The following PGCKA1 variants were observed in gnomAD, a reference collection of about 807,000 sequenced individuals.
PGCKA1 encodes the protein PDCD10 and GCKIII kinases-associated protein 1.
At chr4:37,507,900 G>A in the PGCKA1 span, among the ~76,000 whole-genome samples, 1 of 152,038 alleles carries the variant, frequency 6.6e-6, no homozygotes, top group South Asian at 2.1e-4. Flanking sequence ...GTTTTTCTGG[G>A]AAAGTAATTT....
the PGCKA1 span, among the ~76,000 whole-genome samples, chr4:37,530,704 C>T: frequency 8.6e-5 from 13 of 151,558 alleles, no homozygotes; most frequent in African/African-American, 1.5e-4. Context: ...AGGTCAGATA[C>T]GGTGGCTCAC....
chr4:37,538,528 A>G, the PGCKA1 span, among the ~76,000 whole-genome samples: 2 of 152,358 alleles, frequency 1.3e-5, no homozygotes, highest in East Asian at 1.9e-4. Context: ...AGAGAACATG[A>G]TGAACTTAAC....
the PGCKA1 span, among the ~76,000 whole-genome samples, chr4:37,484,275 G>A: frequency 6.6e-6 from 1 of 152,144 alleles, no homozygotes; most frequent in Non-Finnish European, 1.5e-5. Flanking sequence ...GACAGAAGGT[G>A]AAAGGCACAT....
chr4:37,529,025 C>A, the PGCKA1 span, among the ~76,000 whole-genome samples: 1 of 152,166 alleles, frequency 6.6e-6, no homozygotes, highest in Non-Finnish European at 1.5e-5. Context: ...ACTTTAACAA[C>A]TTAACAATAT....
the PGCKA1 span, among the ~76,000 whole-genome samples, chr4:37,500,546 T>G: frequency 6.6e-6 from 1 of 152,240 alleles, no homozygotes; most frequent in Non-Finnish European, 1.5e-5. Flanking sequence ...GATTATGTGA[T>G]TGATTTTAGA....
the PGCKA1 span, among the ~76,000 whole-genome samples, chr4:37,512,543 GC>G: frequency 6.8e-6 from 1 of 146,180 alleles, no homozygotes; most frequent in African/African-American, 2.6e-5. Context: ...TGCAACCTCC[GC>G]CTCCTGGGTT....
chr4:37,455,844 G>T, the PGCKA1 span, among the ~76,000 whole-genome samples: 4 of 152,272 alleles, frequency 2.6e-5, no homozygotes, highest in East Asian at 5.8e-4. Context: ...GCCCGCTCTT[G>T]GTGCCCGGAA....
chr4:37,478,276 C>T, the PGCKA1 span, among the ~76,000 whole-genome samples: 1 of 151,478 alleles, frequency 6.6e-6, no homozygotes, highest in African/African-American at 2.4e-5. Flanking sequence ...TATCTAGTTC[C>T]AATTTCCCTA....
the PGCKA1 span, among the ~76,000 whole-genome samples, chr4:37,584,942 C>T: frequency 5.1e-4 from 76 of 150,330 alleles, no homozygotes; most frequent in African/African-American, 1.8e-3. Context: ...TACATTATTA[C>T]AATCCAGTCT....
the PGCKA1 span, among the ~76,000 whole-genome samples, chr4:37,562,558 G>A: frequency 1.3e-5 from 2 of 152,224 alleles, no homozygotes; most frequent in Non-Finnish European, 2.9e-5. Flanking sequence ...AGATGATGCT[G>A]TTTGAGGACA....
chr4:37,570,635 A>G, the PGCKA1 span, among the ~76,000 whole-genome samples: 147,797 of 152,258 alleles, frequency 0.97, 71,830 homozygotes, highest in Non-Finnish European at 1. Context: ...ATATTTGTCT[A>G]CTTCGCCTTC....
the PGCKA1 span, among the ~76,000 whole-genome samples, chr4:37,545,866 A>G: frequency 6.6e-6 from 1 of 152,250 alleles, no homozygotes; most frequent in Non-Finnish European, 1.5e-5. Flanking sequence ...TCCTTCTTTT[A>G]TCATACAAAT....
chr4:37,524,710 T>C, the PGCKA1 span, among the ~76,000 whole-genome samples: 1 of 152,208 alleles, frequency 6.6e-6, no homozygotes, highest in African/African-American at 2.4e-5. Flanking sequence ...GATAATTTCT[T>C]ATGTGATAGT....
the PGCKA1 span, among the ~76,000 whole-genome samples, chr4:37,531,939 T>A: frequency 4.1e-5 from 6 of 147,214 alleles, no homozygotes; most frequent in South Asian, 2.2e-4. Context: ...TACTCAACAC[T>A]CGTCACTTCC....
chr4:37,529,395 A>AT, the PGCKA1 span, among the ~76,000 whole-genome samples: 1 of 152,146 alleles, frequency 6.6e-6, no homozygotes, highest in African/African-American at 2.4e-5. Context: ...ATTATGTACT[A>AT]TTGATGCTAT....
chr4:37,551,294 C>T, the PGCKA1 span, among the ~76,000 whole-genome samples: 34 of 148,586 alleles, frequency 2.3e-4, no homozygotes, highest in East Asian at 9.7e-4. Flanking sequence ...CCACAAAAAA[C>T]GAAGCGTAGC....
At chr4:37,569,190 T>TTTTTATTTTA in the PGCKA1 span, among the ~76,000 whole-genome samples, 8 of 151,630 alleles carry the variant, frequency 5.3e-5, no homozygotes, top group African/African-American at 1.7e-4. Context: ...AATTTCTTTA[T>TTTTTATTTTA]TTTTATTTTA....
the PGCKA1 span, among the ~76,000 whole-genome samples, chr4:37,518,034 C>T: frequency 1.3e-5 from 2 of 152,186 alleles, no homozygotes; most frequent in Non-Finnish European, 2.9e-5. Flanking sequence ...CTGTGCCTGG[C>T]TTATTTCACT....
At chr4:37,487,669 C>CA in the PGCKA1 span, among the ~76,000 whole-genome samples, 1 of 151,694 alleles carries the variant, frequency 6.6e-6, no homozygotes, top group Non-Finnish European at 1.5e-5. Context: ...CCCATGGAGT[C>CA]AATGACTGTT....
Sources: gnomAD v4.1 joint callset for allele counts (sites outside exome capture counted in the v4.1 genomes callset) on GRCh38, gnomAD v4.1.1 for gene constraint, MANE v1.5 for transcripts, NCBI Gene and HGNC (gene_info 2026-07-23, HGNC 2026-07-21) for gene names.